B3GALT1: variants seen among roughly 807,000 people sequenced by gnomAD.
B3GALT1 encodes beta-1,3-galactosyltransferase 1.
Under a neutral mutation model 23.2 loss-of-function variants are expected in B3GALT1, and 10 were observed. That is an observed-to-expected ratio of 0.43 (90% CI 0.27 to 0.73). The LOEUF is 0.73. B3GALT1 is among the 30% of genes least tolerant of loss of function. The pLI, the probability that B3GALT1 is intolerant of heterozygous loss-of-function variation, is 0.21. For synonymous variants in B3GALT1, 156 were observed against 141.5 expected, an observed-to-expected ratio of 1.10 and a Z score of -0.73; for missense variants, 299 against 405.4, an observed-to-expected ratio of 0.74 and a Z score of 2.25.
At chr2:167,702,119 T>G (rs1686889867) in intron 3 of B3GALT1, among the ~76,000 whole-genome samples, 1 of 152,220 alleles carries the variant, frequency 6.6e-6, no homozygotes, top group African/African-American at 2.4e-5. Context: ...CTCTGTGTGA[T>G]GCAGTCCTCC....
At chr2:167,611,910 T>C (rs73015406) in intron 2 of B3GALT1, among the ~76,000 whole-genome samples, 2,441 of 152,112 alleles carry the variant, frequency 0.016, 84 homozygotes, top group African/African-American at 0.055. Context: ...ATGTGAGAAA[T>C]AAAATCCATC....
chr2:167,464,055 T>C (rs1699307137), intron 1 of B3GALT1, among the ~76,000 whole-genome samples: 1 of 152,202 alleles, frequency 6.6e-6, no homozygotes, highest in Non-Finnish European at 1.5e-5. Context: ...TTTAATCTTT[T>C]ATATAATTTC....
At chr2:167,344,760 C>T (rs1203958887) in intron 1 of B3GALT1, among the ~76,000 whole-genome samples, 1 of 152,144 alleles carries the variant, frequency 6.6e-6, no homozygotes, top group Non-Finnish European at 1.5e-5. Flanking sequence ...CATCTCATCC[C>T]ATTTGGTAAA....
chr2:167,767,411 A>G (rs868171435), intron 3 of B3GALT1, among the ~76,000 whole-genome samples: 6 of 152,124 alleles, frequency 3.9e-5, no homozygotes, highest in East Asian at 1.9e-4. Context: ...CTTTCACCCA[A>G]TCTTCACCAC....
At chr2:167,358,570 A>T (rs1339743818) in intron 1 of B3GALT1, among the ~76,000 whole-genome samples, 2 of 152,110 alleles carry the variant, frequency 1.3e-5, no homozygotes, top group Admixed American at 6.6e-5. Flanking sequence ...AGTAATAATG[A>T]CTATTTCAAA....
chr2:167,435,156 A>T (rs946900529), intron 1 of B3GALT1, among the ~76,000 whole-genome samples: 1 of 152,064 alleles, frequency 6.6e-6, no homozygotes, highest in African/African-American at 2.4e-5. Context: ...GAAACCGAAG[A>T]CATTTTAAGA....
chr2:167,759,263 T>G (rs527503864), intron 3 of B3GALT1, among the ~76,000 whole-genome samples: 18 of 152,274 alleles, frequency 1.2e-4, no homozygotes, highest in African/African-American at 4.3e-4. Flanking sequence ...CTTCAAACTA[T>G]CAGTTTTCTA....
At chr2:167,774,502 T>G (rs1365029902) in intron 3 of B3GALT1, among the ~76,000 whole-genome samples, 44 of 127,366 alleles carry the variant, frequency 3.5e-4, no homozygotes, top group South Asian at 2.7e-3. Flanking sequence ...TTTTTGTTTT[T>G]TTTTTTTTTT....
At chr2:167,396,603 A>G (rs1009646139) in intron 1 of B3GALT1, among the ~76,000 whole-genome samples, 2 of 151,110 alleles carry the variant, frequency 1.3e-5, no homozygotes, top group Admixed American at 6.6e-5. Flanking sequence ...TTTATAATAT[A>G]TAAATTATAT....
At chr2:167,591,908 G>T (rs1684689020) in intron 2 of B3GALT1, among the ~76,000 whole-genome samples, 1 of 152,122 alleles carries the variant, frequency 6.6e-6, no homozygotes. Flanking sequence ...ATTGTGCTTG[G>T]TATAGAGTGA....
chr2:167,738,029 G>A (rs12991606), intron 3 of B3GALT1, among the ~76,000 whole-genome samples: 22,963 of 152,152 alleles, frequency 0.15, 2,063 homozygotes, highest in Non-Finnish European at 0.21. Context: ...GTTCCTCAGA[G>A]CCTGAGATTT....
intron 3 of B3GALT1, among the ~76,000 whole-genome samples, chr2:167,680,927 T>A (rs766473742): frequency 1.2e-4 from 19 of 152,240 alleles, no homozygotes; most frequent in Admixed American, 4.6e-4. Context: ...AGGCACTTTT[T>A]AATTTTTTCT....
At chr2:167,651,513 G>C (rs7591319) in intron 3 of B3GALT1, among the ~76,000 whole-genome samples, 1 of 151,988 alleles carries the variant, frequency 6.6e-6, no homozygotes, top group Non-Finnish European at 1.5e-5. Flanking sequence ...CATTCAGAGA[G>C]AAAAAGAGGT....
intron 4 of B3GALT1, among the ~76,000 whole-genome samples, chr2:167,849,121 G>A (rs1449045103): frequency 6.6e-6 from 1 of 152,042 alleles, no homozygotes; most frequent in Non-Finnish European, 1.5e-5. Flanking sequence ...ATCATGGATG[G>A]GTAGAATCAA....
At chr2:167,630,525 A>G (rs759834012) in intron 2 of B3GALT1, among the ~76,000 whole-genome samples, 68 of 151,884 alleles carry the variant, frequency 4.5e-4, no homozygotes, top group Middle Eastern at 3.4e-3. Context: ...TTTTTTAGAT[A>G]CAGAAATGGC....
intron 2 of B3GALT1, among the ~76,000 whole-genome samples, chr2:167,501,671 C>T (rs1699849973): frequency 1.4e-5 from 2 of 144,828 alleles, no homozygotes; most frequent in Non-Finnish European, 3.0e-5. Flanking sequence ...AAACTTTTTG[C>T]TCCTAAAAGC....
intron 2 of B3GALT1, among the ~76,000 whole-genome samples, chr2:167,646,007 G>T (rs1280600134): frequency 6.6e-6 from 1 of 152,150 alleles, no homozygotes; most frequent in Non-Finnish European, 1.5e-5. Context: ...AATTGTGTCA[G>T]CCTGAATACC....
chr2:167,717,453 T>C lies in B3GALT1; in HGVS notation c.-352+70487T>C, dbSNP rs1055659703. Among the ~76,000 whole-genome samples, 4 of 151,730 alleles carry C rather than the reference T, an allele frequency of 2.6e-5. No individual in the cohort carries two copies. The East Asian group carries it at 7.8e-4, about 29-fold the overall frequency. On this transcript the variant is annotated intron_variant, in intron 3 of 4. Transcript: ENST00000392690. The stretch of plus-strand genomic sequence containing the variant: ...TATCCCTCCCCCTACTATACATGTT[T>C]TATACAGTGATAGTCATGTTGTTAT...
At chr2:167,711,704 C>T (rs571753334) in intron 3 of B3GALT1, among the ~76,000 whole-genome samples, 1 of 152,128 alleles carries the variant, frequency 6.6e-6, no homozygotes, top group Admixed American at 6.5e-5. Context: ...GTGACTCATG[C>T]ATGTAATCCC....
Sources: gnomAD v4.1 joint callset for allele counts (sites outside exome capture counted in the v4.1 genomes callset) on GRCh38, gnomAD v4.1.1 for gene constraint, MANE v1.5 for transcripts, NCBI Gene and HGNC (gene_info 2026-07-23, HGNC 2026-07-21) for gene names.